ZXDC: variants seen among roughly 807,000 people sequenced by gnomAD.
ZXDC encodes ZXD family zinc finger C.
Under a neutral mutation model 63.6 loss-of-function variants are expected in ZXDC, and 58 were observed. That is an observed-to-expected ratio of 0.91 (90% CI 0.74 to 1.13). The LOEUF (loss-of-function observed/expected upper bound fraction) is 1.13. Ranked by LOEUF, ZXDC falls within the 50% of genes most tolerant of loss-of-function variation. The pLI is 0.00. For synonymous variants in ZXDC, 561 were observed against 496.1 expected, an observed-to-expected ratio of 1.13 and a Z score of -1.74; for missense variants, 1,133 against 1,148.9, an observed-to-expected ratio of 0.99 and a Z score of 0.20.
In ZXDC at chr3:126,448,310, G is replaced by A. The variant is rs543002118; in HGVS notation, c.2213-6364C>T. On this transcript the variant is annotated intron_variant, in intron 7 of 9. Coordinates refer to ENST00000389709, the MANE Select transcript of ZXDC (RefSeq NM_025112.5). ...TATCTTCACCACATGGCAGGTGCTCGGCCAGATGGTGGCCCTGCACATGGA... is the reference window on the plus strand; with the variant it reads ...TATCTTCACCACATGGCAGGTGCTCAGCCAGATGGTGGCCCTGCACATGGA... Among the ~76,000 whole-genome samples, 22 of 152,282 alleles carry A rather than the reference G, an allele frequency of 1.4e-4. No homozygotes were observed. In the South Asian group the frequency reaches 4.4e-3, roughly 30 times the overall value.
Position 126,475,646 on chromosome 3 carries a change from A to G in ZXDC, c.220T>C (p.Ser74Pro). ...PPAEDDSDGD[S>P]FLVLLEVPHG... ...GGCACTTCCAGCAGCACCAAGAAAGAGTCGCCGTCGCTGTCGTCCTCGGCG... is the reference window on the plus strand; with the variant it reads ...GGCACTTCCAGCAGCACCAAGAAAGGGTCGCCGTCGCTGTCGTCCTCGGCG... Residue 74 changes from serine to proline, a missense_variant, in exon 1 of 10, where the codon TCT becomes CCT. Coordinates refer to ENST00000389709, the MANE Select transcript of ZXDC (RefSeq NM_025112.5). 6.8e-7 allele frequency: 1 copy of G among 1,464,892 alleles called. No homozygotes were observed. Among genetic ancestry groups the G allele is most frequent in the Non-Finnish European group, 9.0e-7 (1 of 1,106,422 alleles). The allele number at this position is 1,464,892 out of a possible 1,614,324, so 90.7% of individuals were successfully genotyped here. A position where few individuals can be genotyped will look rare whatever the true frequency, so the allele number is the denominator to read the frequency against.
intron 7 of ZXDC, among the ~76,000 whole-genome samples, chr3:126,448,252 A>G (rs577720243): frequency 6.6e-6 from 1 of 152,330 alleles, no homozygotes; most frequent in African/African-American, 2.4e-5. Context: ...AGGTCTGCGC[A>G]AGTTTCATCA....
chr3:126,450,622 A>C (rs1323465697), intron 7 of ZXDC: 4 of 437,316 alleles, frequency 9.1e-6, no homozygotes, highest in Admixed American at 2.4e-5. Flanking sequence ...CAGGGCCCCT[A>C]CCCGCATCTC....
chr3:126,447,939 G>A (rs1933944052), intron 7 of ZXDC, among the ~76,000 whole-genome samples: 1 of 152,232 alleles, frequency 6.6e-6, no homozygotes, highest in African/African-American at 2.4e-5. Context: ...GTGGCCAACA[G>A]GCTCAGTAAC....
At chr3:126,458,458 G>A (rs867450042) in intron 7 of ZXDC, 9 of 357,556 alleles carry the variant, frequency 2.5e-5, no homozygotes, top group Middle Eastern at 1.4e-3. Flanking sequence ...GGCTGGTCTC[G>A]AACTCCTGAC....
At chr3:126,466,525 TAC>T (rs1201524237) in intron 4 of ZXDC, among the ~76,000 whole-genome samples, 200 bp from the exon 5 acceptor site, 8 of 152,150 alleles carry the variant, frequency 5.3e-5, no homozygotes, top group Non-Finnish European at 1.0e-4. Context: ...AAGCAAGAGA[TAC>T]AGTGAAACCC....
chr3:126,465,279 G>C (rs961656879), intron 5 of ZXDC, among the ~76,000 whole-genome samples: 1 of 152,234 alleles, frequency 6.6e-6, no homozygotes, highest in Non-Finnish European at 1.5e-5. Context: ...CAGAGGGGCC[G>C]CCACCACAGC....
intron 7 of ZXDC, chr3:126,443,308 T>C (rs777515): frequency 0.16 from 24,205 of 152,122 alleles, 2,421 homozygotes; most frequent in East Asian, 0.45. Context: ...CCACGCCTGG[T>C]TTCTCTTTTT....
chr3:126,463,442 A>G (rs1484769926), intron 5 of ZXDC, among the ~76,000 whole-genome samples: 1 of 152,212 alleles, frequency 6.6e-6, no homozygotes, highest in Non-Finnish European at 1.5e-5. Context: ...TAAATATTTG[A>G]TTATTTGTTA....
chr3:126,461,872 C>T lies in ZXDC; in HGVS notation c.1790G>A (p.Ser597Asn). ...ACTCACAGTCTGCACGTCATCCACA[C>T]TGAAGCTGCCCTGCTGCAGAACCGT... ...AATVLQQGSF[S>N]VDDVQTVSAG... The change falls in exon 6 of 10, where the codon AGT becomes AAT. Residue 597 changes from serine (S) to asparagine (N), a missense_variant. Coordinates refer to ENST00000389709, the MANE Select transcript of ZXDC (RefSeq NM_025112.5). 1.9e-6 allele frequency: 3 copies of T among 1,614,246 alleles called. No homozygotes were observed. The highest frequency in any genetic ancestry group is 1.7e-6 in the Non-Finnish European group (2 of 1,180,052).
intron 7 of ZXDC, among the ~76,000 whole-genome samples, chr3:126,446,065 G>A (rs1933871870): frequency 2.0e-5 from 3 of 152,146 alleles, no homozygotes; most frequent in Admixed American, 2.0e-4. Flanking sequence ...TAATAAAGCA[G>A]TCACAAGAAA....
chr3:126,463,339 G>T (rs1274127619), intron 5 of ZXDC, among the ~76,000 whole-genome samples: 2 of 152,152 alleles, frequency 1.3e-5, no homozygotes, highest in Non-Finnish European at 2.9e-5. Context: ...AAAGTGCTGG[G>T]ATTACAGGTA....
rs1935194181 is a variant in ZXDC, at chr3:126,475,686, C to T, written c.180G>A (p.Gly60=). The change falls in exon 1 of 10, where the codon GGG becomes GGA. Residue 60 remains glycine, a synonymous_variant. Coordinates refer to ENST00000389709, the MANE Select transcript of ZXDC (RefSeq NM_025112.5). ...CGTCCTCGGCGGGCGGCGGGCTTGG[C>T]CCGGAGGCCTCCCCGGGCCGCGCCC... ...GPGARPGEAS[G]PSPPPAEDDS... is the part of the protein sequence containing the mutation. 2 of 1,348,278 alleles carry T rather than the reference C, an allele frequency of 1.5e-6. No individual in the cohort carries two copies. Among genetic ancestry groups the T allele is most frequent in the Non-Finnish European group, 1.9e-6 (2 of 1,048,874 alleles). The allele number at this position is 1,348,278 out of a possible 1,614,324, so 83.5% of individuals were successfully genotyped here.
At chr3:126,441,198 G>A (rs1469217274) in intron 8 of ZXDC, 3 of 985,666 alleles carry the variant, frequency 3.0e-6, no homozygotes, top group East Asian at 2.3e-4. Context: ...GGCCACAGCT[G>A]CAGGTATCTG....
At chr3:126,465,008 T>A (rs1934699672) in intron 5 of ZXDC, among the ~76,000 whole-genome samples, 1 of 152,158 alleles carries the variant, frequency 6.6e-6, no homozygotes, top group Non-Finnish European at 1.5e-5. Flanking sequence ...GCCCAACCCC[T>A]CACCAAACTC....
chr3:126,449,580 G>A (rs572378640), intron 7 of ZXDC, among the ~76,000 whole-genome samples: 1 of 152,324 alleles, frequency 6.6e-6, no homozygotes, highest in African/African-American at 2.4e-5. Flanking sequence ...GTCTCAGCAG[G>A]TTGGCTCTAC....
rs548221408 is a variant in ZXDC, at chr3:126,453,807, G to A, written c.2212+5846C>T. ...CCTCCCGGGTTCAAGCGATTCTCCT[G>A]CCTCAGCCTCCTGAGTAGCTGAGCT... is the stretch of plus-strand genomic sequence containing the variant. On this transcript the variant is annotated intron_variant, in intron 7 of 9. Transcript: ENST00000389709. 9 of 977,620 alleles carry A rather than the reference G, an allele frequency of 9.2e-6. No individual in the cohort carries two copies. The African/African-American group carries it at 1.6e-4, about 17-fold the overall frequency. The allele number at this position is 977,620 out of a possible 1,614,324, so 60.6% of individuals were successfully genotyped here.
intron 3 of ZXDC, 32 bp from the exon 4 acceptor site, chr3:126,471,057 T>A (rs1234536769): frequency 6.2e-7 from 1 of 1,609,654 alleles, no homozygotes; most frequent in South Asian, 1.1e-5. Context: ...GAGCTGTGAT[T>A]CCTCACACAA....
rs78304123 is a variant in ZXDC at position 126,453,855 on chromosome 3, G to A, written c.2212+5798C>T. The A allele has an allele frequency of 3.9e-3, 3,818 of 985,082 alleles. 123 individuals are homozygous for A. In the African/African-American group the frequency reaches 0.061, roughly 16 times the overall value. The allele number at this position is 985,082 out of a possible 1,614,324, so 61.0% of individuals were successfully genotyped here. On this transcript the variant is annotated intron_variant, in intron 7 of 9. Coordinates refer to ENST00000389709, the MANE Select transcript of ZXDC (RefSeq NM_025112.5). ...GCTGGGATTACAGGCATGAGCCACC[G>A]CGCCCAGCCTCGCTTTTATTTCTTC...
Sources: gnomAD v4.1 joint callset for allele counts (sites outside exome capture counted in the v4.1 genomes callset) on GRCh38, gnomAD v4.1.1 for gene constraint, MANE v1.5 for transcripts, NCBI Gene and HGNC (gene_info 2026-07-23, HGNC 2026-07-21) for gene names.